Variants in HACE1 observed in about 807,000 individuals in gnomAD.
HACE1 encodes the protein HECT domain and ankyrin repeat containing E3 ubiquitin protein ligase 1.
HACE1 carries 73 observed loss-of-function variants against 118.4 expected under a neutral mutation model. The observed-to-expected ratio is 0.62, with a 90% CI of 0.51 to 0.75. The LOEUF (loss-of-function observed/expected upper bound fraction) is 0.75. HACE1 is among the 30% of genes least tolerant of loss of function. The pLI, the probability that HACE1 is intolerant of heterozygous loss-of-function variation, is 0.00. For missense variants in HACE1, 749 were observed against 1,102.2 expected, an observed-to-expected ratio of 0.68 and a Z score of 4.54; for synonymous variants, 368 against 374.8, an observed-to-expected ratio of 0.98 and a Z score of 0.21.
At chr6:104,738,014 AC>A (rs1292840921) in intron 22 of HACE1, among the ~76,000 whole-genome samples, 4 of 152,034 alleles carry the variant, frequency 2.6e-5, no homozygotes, top group African/African-American at 7.2e-5. Flanking sequence ...TGGGTCCCTG[AC>A]CCCCGAGCAG....
chr6:104,737,708 A>G (rs1776067336), intron 22 of HACE1, among the ~76,000 whole-genome samples: 1 of 152,156 alleles, frequency 6.6e-6, no homozygotes, highest in African/African-American at 2.4e-5. Flanking sequence ...TTGCTAGCAC[A>G]GCAGTCTGAG....
At chr6:104,857,870 T>C (rs1472814872) in intron 1 of HACE1, among the ~76,000 whole-genome samples, 1 of 146,574 alleles carries the variant, frequency 6.8e-6, no homozygotes, top group Admixed American at 7.0e-5. Context: ...GGCAGGAGAA[T>C]AGCGTGAACC....
Position 104,833,129 on chromosome 6 carries a change from G to C in HACE1, c.447C>G (p.Asp149Glu). Residue 149 changes from aspartate (D) to glutamate (E), a missense_variant, in exon 6 of 24, where the codon GAC becomes GAG. Physicochemically the swap from Asp to Glu is conservative, Grantham distance 45. Coordinates refer to ENST00000262903, the MANE Select transcript of HACE1 (RefSeq NM_020771.4). Reference sequence around the variant, plus strand: ...CAACATCACTGACATGCTGCACAAGGTCATGGAGTAGTTCTGTCCGCCCAT... The same window carrying C: ...CAACATCACTGACATGCTGCACAAGCTCATGGAGTAGTTCTGTCCGCCCAT... ...AVNGRTELLHDLVQHVSDVDV... is the reference protein window; with the variant it reads ...AVNGRTELLHELVQHVSDVDV... The C allele has an allele frequency of 6.2e-7, 1 of 1,613,538 alleles. No homozygotes were observed. The highest frequency in any genetic ancestry group is 8.5e-7 in the Non-Finnish European group (1 of 1,179,464).
intron 11 of HACE1, chr6:104,786,111 GA>G (rs1385230591): frequency 6.6e-6 from 1 of 152,062 alleles, no homozygotes; most frequent in Admixed American, 6.6e-5. Context: ...GAGGTGGGTA[GA>G]TCACTTGAGG....
intron 6 of HACE1, among the ~76,000 whole-genome samples, chr6:104,819,068 G>A (rs900985981): frequency 6.6e-6 from 1 of 152,108 alleles, no homozygotes; most frequent in African/African-American, 2.4e-5. Flanking sequence ...AAAACAAAAG[G>A]CCAAACAAAT....
At chr6:104,800,428 C>A (rs1485219984) in intron 7 of HACE1, among the ~76,000 whole-genome samples, 1 of 152,168 alleles carries the variant, frequency 6.6e-6, no homozygotes, top group African/African-American at 2.4e-5. Context: ...GGTCCCTGAC[C>A]CCTGTGTAGC....
In HACE1 at chr6:104,771,459, C is replaced by T. The variant is rs1780591612; in HGVS notation, c.2015-70G>A. 6.7e-6 allele frequency: 6 copies of T among 902,012 alleles called. No individual in the cohort carries two copies. In the South Asian group the frequency reaches 6.9e-5, roughly 10 times the overall value. 55.9% of individuals were successfully genotyped at this position (902,012 alleles called of 1,614,324 possible). On this transcript the variant is annotated intron_variant, in intron 18 of 23. Coordinates refer to ENST00000262903, the MANE Select transcript of HACE1 (RefSeq NM_020771.4). The stretch of plus-strand genomic sequence containing the variant: ...CCCTTATCTATTTAATGGTAAAATA[C>T]TGCCCTCTACAGATATTCTGAAAAA...
intron 22 of HACE1, among the ~76,000 whole-genome samples, chr6:104,736,076 G>T (rs1287456382): frequency 2.0e-5 from 3 of 151,212 alleles, no homozygotes; most frequent in South Asian, 4.2e-4. Context: ...ATTGGAAGTG[G>T]TTTTTTTTCT....
chr6:104,850,831 T>C (rs1006827033), intron 3 of HACE1, 76 bp downstream of exon 3: 9 of 904,814 alleles, frequency 9.9e-6, no homozygotes, highest in Non-Finnish European at 1.5e-5. Flanking sequence ...CCAGAAATAT[T>C]GTGTGATAAT....
chr6:104,791,568 G>A lies in HACE1; in HGVS notation c.1010C>T (p.Ser337Phe). Residue 337 changes from serine (S) to phenylalanine (F), a missense_variant, in exon 11 of 24, where the codon TCC (serine) becomes TTC (phenylalanine). Physicochemically the swap from Ser to Phe is radical, Grantham distance 155. Transcript: ENST00000262903. ...FCHVFRIGPS[S>F]PSNGIDMGYN... ...GCCCATATCAATTCCATTACTGGGG[G>A]AGGATGGACCAATTCGAAAGACGTG... The A allele has an allele frequency of 6.2e-7, 1 of 1,611,520 alleles. No homozygotes were observed. The highest frequency in any genetic ancestry group is 8.5e-7 in the Non-Finnish European group (1 of 1,177,730).
At chr6:104,822,051 A>T (rs1249569739) in intron 6 of HACE1, among the ~76,000 whole-genome samples, 1 of 151,838 alleles carries the variant, frequency 6.6e-6, no homozygotes, top group East Asian at 1.9e-4. Context: ...TCTACAAAAG[A>T]AAGTCATAAT....
chr6:104,732,951 C>T (rs2114371647), intron 22 of HACE1, among the ~76,000 whole-genome samples: 1 of 152,288 alleles, frequency 6.6e-6, no homozygotes, highest in Non-Finnish European at 1.5e-5. Context: ...GACACTAATG[C>T]ATAAACAATT....
intron 20 of HACE1, among the ~76,000 whole-genome samples, chr6:104,748,591 A>G (rs1306554387): frequency 6.6e-6 from 1 of 152,224 alleles, no homozygotes; most frequent in African/African-American, 2.4e-5. Context: ...TATAACCTAC[A>G]GAATGCAAAC....
At chr6:104,737,676 C>A (rs1776061122) in intron 22 of HACE1, among the ~76,000 whole-genome samples, 2 of 152,194 alleles carry the variant, frequency 1.3e-5, no homozygotes, top group African/African-American at 4.8e-5. Context: ...TCGGAGGGTC[C>A]TACCCCACGG....
At chr6:104,847,108 G>A (rs557462338) in intron 4 of HACE1, among the ~76,000 whole-genome samples, 3 of 152,150 alleles carry the variant, frequency 2.0e-5, no homozygotes, top group Admixed American at 2.0e-4. Flanking sequence ...TCTAAAAAAC[G>A]GTACATGAAA....
In HACE1 at chr6:104,795,620, G is replaced by A; in HGVS notation, c.882C>T (p.Ser294=). Residue 294 remains serine, a synonymous_variant, in exon 10 of 24, where the codon AGC becomes AGT. Coordinates refer to ENST00000262903, the MANE Select transcript of HACE1 (RefSeq NM_020771.4). ...SESQYLKILT[S]LAEVATTNGH... ...CATTTGTTGTAGCAACTTCAGCAAG[G>A]CTTGTTAGAATCTTTAGGTACTGGC... 1 of 1,612,580 alleles carries A rather than the reference G, an allele frequency of 6.2e-7. No homozygotes were observed. The highest frequency in any genetic ancestry group is 8.5e-7 in the Non-Finnish European group (1 of 1,178,688).
chr6:104,730,647 C>A lies in HACE1; in HGVS notation c.2514-231G>T, dbSNP rs890882051. ...TCCATAAGCTATACTATGCTTGCAA[C>A]TGGCCACAGCACATACCTCAATATT... is the stretch of plus-strand genomic sequence containing the variant. On this transcript the variant is annotated intron_variant, in intron 22 of 23. Transcript: ENST00000262903. 6.0e-6 allele frequency: 3 copies of A among 500,580 alleles called. No homozygotes were observed. In the Admixed American group the frequency reaches 9.5e-5, roughly 16 times the overall value. The allele number at this position is 500,580 out of a possible 1,614,324, so 31.0% of individuals were successfully genotyped here.
chr6:104,796,174 G>A (rs984421896), intron 9 of HACE1, among the ~76,000 whole-genome samples: 1 of 152,094 alleles, frequency 6.6e-6, no homozygotes, highest in Admixed American at 6.6e-5. Context: ...GCAGTGACAT[G>A]ATCTCGGCTC....
At chr6:104,754,861 T>C (rs1778428625) in intron 19 of HACE1, among the ~76,000 whole-genome samples, 2 of 152,264 alleles carry the variant, frequency 1.3e-5, no homozygotes, top group Admixed American at 6.5e-5. Context: ...AGTGACACTA[T>C]GAAGCAACCA....
Sources: allele counts gnomAD v4.1 joint callset (sites outside exome capture counted in the v4.1 genomes callset), GRCh38; gene constraint gnomAD v4.1.1; transcripts MANE v1.5; gene names NCBI Gene and HGNC (gene_info 2026-07-23, HGNC 2026-07-21).